ANKRD12: variants seen among roughly 807,000 people sequenced by gnomAD.
ANKRD12 encodes ankyrin repeat domain 12.
Under a neutral mutation model 183.4 loss-of-function variants are expected in ANKRD12, and 85 were observed. That is an observed-to-expected ratio of 0.46 (90% confidence interval 0.39 to 0.56). The LOEUF (loss-of-function observed/expected upper bound fraction) is 0.56. ANKRD12 is among the 20% of genes least tolerant of loss of function. The pLI, the probability that ANKRD12 is intolerant of heterozygous loss-of-function variation, is 0.00. For synonymous variants in ANKRD12, 914 were observed against 800.2 expected, an observed-to-expected ratio of 1.14 and a Z score of -2.40; for missense variants, 2,405 against 2,357.1, an observed-to-expected ratio of 1.02 and a Z score of -0.42.
chr18:9,262,653 G>A (rs2039038844), intron 9 of ANKRD12, among the ~76,000 whole-genome samples: 1 of 151,294 alleles, frequency 6.6e-6, no homozygotes, highest in Non-Finnish European at 1.5e-5. Flanking sequence ...TTGAGATGGG[G>A]GTCTCAATAT....
Position 9,221,832 on chromosome 18 carries a change from C to A in ANKRD12, c.796-20C>A, listed in dbSNP as rs754671971. ...ACAATCTGTGAAGGGACTAAGTCTT[C>A]CTGCTTTTTATTGTTGCAGATAGTA... On this transcript the variant is annotated intron_variant, in intron 7 of 12. Coordinates refer to ENST00000262126, the MANE Select transcript of ANKRD12 (RefSeq NM_015208.5). 13 of 1,612,582 alleles carry A rather than the reference C, an allele frequency of 8.1e-6. No homozygotes were observed. Among genetic ancestry groups the A allele is most frequent in the Admixed American group, 1.7e-5 (1 of 59,864 alleles).
chr18:9,190,425 CATT>C (rs755034403), intron 2 of ANKRD12, among the ~76,000 whole-genome samples: 126 of 152,290 alleles, frequency 8.3e-4, no homozygotes, highest in Non-Finnish European at 1.6e-3. Flanking sequence ...ATGCTAGAAA[CATT>C]GTTGAAATGA....
At chr18:9,168,328 G>A (rs886129962) in intron 1 of ANKRD12, among the ~76,000 whole-genome samples, 3 of 152,082 alleles carry the variant, frequency 2.0e-5, no homozygotes, top group Admixed American at 6.6e-5. Flanking sequence ...GGTAGAATTC[G>A]GCTGTGAATC....
At chr18:9,209,255 G>A (rs1256148117) in intron 5 of ANKRD12, among the ~76,000 whole-genome samples, 1 of 152,160 alleles carries the variant, frequency 6.6e-6, no homozygotes, top group African/African-American at 2.4e-5. Context: ...TTATAAAAGG[G>A]AGCTAAAAAG....
At chr18:9,181,674 G>A (rs1284697858) in intron 1 of ANKRD12, among the ~76,000 whole-genome samples, 2 of 152,186 alleles carry the variant, frequency 1.3e-5, no homozygotes, top group Admixed American at 6.5e-5. Flanking sequence ...CAACATAGGT[G>A]TAGCCTCATA....
chr18:9,231,669 C>T (rs900686463), intron 8 of ANKRD12, among the ~76,000 whole-genome samples: 62 of 151,312 alleles, frequency 4.1e-4, no homozygotes, highest in Non-Finnish European at 8.0e-4. Flanking sequence ...ACTAAAAATA[C>T]AAAAAATTAG....
At chr18:9,198,242 T>A (rs565635266) in intron 3 of ANKRD12, among the ~76,000 whole-genome samples, 45 of 152,280 alleles carry the variant, frequency 3.0e-4, no homozygotes, top group Non-Finnish European at 5.6e-4. Context: ...TTTAAAGATC[T>A]TCTAAGTGTG....
In ANKRD12 at chr18:9,226,031, A is replaced by T. The variant is rs143464901; in HGVS notation, c.943+4032A>T. 6.5e-3 allele frequency among the ~76,000 whole-genome samples: 990 copies of T among 152,288 alleles called. 7 individuals are homozygous for T. The highest frequency in any genetic ancestry group is 0.017 in the Middle Eastern group (5 of 294). The stretch of plus-strand genomic sequence containing the variant: ...ATTAGAGTTTAAATTTTTTTGCAAT[A>T]TTCATGGTTGTGATGTAATTCTTAA... On this transcript the variant is annotated intron_variant, in intron 8 of 12. Transcript: ENST00000262126.
rs2040015769 is a variant in ANKRD12 at position 9,279,659 on chromosome 18, A to G, written c.6003+15A>G. On this transcript the variant is annotated intron_variant, in intron 12 of 12. Coordinates refer to ENST00000262126, the MANE Select transcript of ANKRD12 (RefSeq NM_015208.5). ...ACAAATTAAAGGTATGTATGTTTGG[A>G]AGTCAGTTTAAATGAATGCTTCCCC... is the stretch of plus-strand genomic sequence containing the variant. 3 of 1,501,626 alleles carry G rather than the reference A, an allele frequency of 2.0e-6. No homozygotes were observed. The highest frequency in any genetic ancestry group is 2.0e-4 in the Middle Eastern group (1 of 4,924). The allele number at this position is 1,501,626 out of a possible 1,614,324, so 93.0% of individuals were successfully genotyped here.
At chr18:9,259,390 CATTT>C (rs2038833246) in intron 9 of ANKRD12, 1 of 149,862 alleles carries the variant, frequency 6.7e-6, no homozygotes. Context: ...AACATAAACA[CATTT>C]ATGTGTTTAA....
chr18:9,179,902 G>A (rs1474167400), intron 1 of ANKRD12, among the ~76,000 whole-genome samples: 1 of 152,158 alleles, frequency 6.6e-6, no homozygotes, highest in Non-Finnish European at 1.5e-5. Flanking sequence ...CACAGAATGT[G>A]GCCTATCTTG....
At chr18:9,261,967 T>G in intron 9 of ANKRD12, among the ~76,000 whole-genome samples, 1 of 152,356 alleles carries the variant, frequency 6.6e-6, no homozygotes, top group East Asian at 1.9e-4. Flanking sequence ...CAACTCATGC[T>G]AAGTTTAAAG....
At chr18:9,242,896 C>A (rs961619753) in intron 8 of ANKRD12, among the ~76,000 whole-genome samples, 1 of 152,046 alleles carries the variant, frequency 6.6e-6, no homozygotes, top group Non-Finnish European at 1.5e-5. Flanking sequence ...AAAATAAGTT[C>A]TTATCTGGCA....
chr18:9,148,392 A>G (rs573790005), intron 1 of ANKRD12, among the ~76,000 whole-genome samples: 1 of 152,324 alleles, frequency 6.6e-6, no homozygotes, highest in African/African-American at 2.4e-5. Context: ...ATAACTGCCC[A>G]TATTTATTTA....
At chr18:9,158,018 T>G (rs942556181) in intron 1 of ANKRD12, among the ~76,000 whole-genome samples, 1 of 152,016 alleles carries the variant, frequency 6.6e-6, no homozygotes, top group Non-Finnish European at 1.5e-5. Context: ...ACAAAGTCAA[T>G]ATGAGGTAAA....
In ANKRD12 at chr18:9,178,766, A is replaced by G. The variant is rs181094636; in HGVS notation, c.-51-3616A>G. 1.4e-3 allele frequency among the ~76,000 whole-genome samples: 206 copies of G among 152,288 alleles called. 1 individual carries two copies. The highest frequency in any genetic ancestry group is 3.5e-3 in the Admixed American group (53 of 15,294). ...GAGACTGACATTTTAACGACATTGC[A>G]TCTTCTGATTCATGAGCATGGCATA... On this transcript the variant is annotated intron_variant, in intron 1 of 12. Coordinates refer to ENST00000262126, the MANE Select transcript of ANKRD12 (RefSeq NM_015208.5).
intron 11 of ANKRD12, among the ~76,000 whole-genome samples, chr18:9,277,675 T>TA (rs1180750916): frequency 2.0e-5 from 3 of 151,934 alleles, no homozygotes; most frequent in Non-Finnish European, 4.4e-5. Context: ...TCATTAAAAA[T>TA]AAAAACAAAT....
intron 1 of ANKRD12, among the ~76,000 whole-genome samples, chr18:9,145,164 C>T (rs1364983737): frequency 6.6e-6 from 1 of 152,002 alleles, no homozygotes; most frequent in East Asian, 1.9e-4. Flanking sequence ...GCTCTGTTGC[C>T]CAGGCTGGAG....
intron 1 of ANKRD12, among the ~76,000 whole-genome samples, chr18:9,154,157 A>C (rs940416760): frequency 7.9e-5 from 12 of 152,106 alleles, no homozygotes; most frequent in African/African-American, 2.9e-4. Flanking sequence ...CAGTGATTCA[A>C]GCCTGTAATC....
Sources: gnomAD v4.1 joint callset for allele counts (sites outside exome capture counted in the v4.1 genomes callset) on GRCh38, gnomAD v4.1.1 for gene constraint, MANE v1.5 for transcripts, NCBI Gene and HGNC (gene_info 2026-07-23, HGNC 2026-07-21) for gene names.